The following ZNF675 variants were observed in gnomAD, a reference collection of about 807,000 sequenced individuals.
ZNF675 encodes the protein TRAF6 inhibitory zinc finger.
ZNF675 carries 36 observed loss-of-function variants against 56.1 expected under a neutral mutation model. That is an observed-to-expected ratio of 0.64 (90% confidence interval 0.49 to 0.85). ZNF675 has a LOEUF of 0.85. ZNF675 is among the 40% of genes least tolerant of loss of function. ZNF675 has a pLI of 0.00. For missense variants in ZNF675, 663 were observed against 654.2 expected (o/e 1.01, Z -0.15); for synonymous variants, 200 against 218.9 (o/e 0.91, Z 0.76).
chr19:23,665,244 C>A (rs1350945799), intron 1 of ZNF675, among the ~76,000 whole-genome samples: 1 of 150,992 alleles, frequency 6.6e-6, no homozygotes, highest in Non-Finnish European at 1.5e-5. Flanking sequence ...ACTCAGGAGG[C>A]TGAGGCAGGA....
intron 3 of ZNF675, among the ~76,000 whole-genome samples, chr19:23,657,356 T>C (rs536034048): frequency 1.2e-4 from 18 of 152,190 alleles, no homozygotes; most frequent in Non-Finnish European, 2.2e-4. Context: ...TGAATTACCT[T>C]CAAATCACAA....
chr19:23,657,612 G>T (rs1468478883), intron 3 of ZNF675, among the ~76,000 whole-genome samples: 1 of 152,172 alleles, frequency 6.6e-6, no homozygotes, highest in African/African-American at 2.4e-5. Context: ...AGCTGCTTGG[G>T]AGGCTGAAGC....
In ZNF675 at chr19:23,653,186, T is replaced by C. The variant is rs1278943872; in HGVS notation, c.*40A>G. On this transcript the variant is annotated 3_prime_UTR_variant, in exon 4 of 4. Coordinates refer to ENST00000359788, the MANE Select transcript of ZNF675 (RefSeq NM_138330.3). ...AGAATTTTTCACCAGTATGATTTCC[T>C]TTATATTTAGAAAAATTTGAGGTGT... 1 of 1,522,498 alleles carries C rather than the reference T, an allele frequency of 6.6e-7. No individual in the cohort carries two copies. The highest frequency in any genetic ancestry group is 8.8e-7 in the Non-Finnish European group (1 of 1,137,308). 94.3% of individuals were successfully genotyped at this position (1,522,498 alleles called of 1,614,324 possible).
intron 1 of ZNF675, among the ~76,000 whole-genome samples, chr19:23,680,594 T>C (rs1317799218): frequency 2.0e-5 from 3 of 151,262 alleles, no homozygotes; most frequent in Non-Finnish European, 2.9e-5. Flanking sequence ...CTGTCTCTAC[T>C]GAAAATACAA....
intron 1 of ZNF675, among the ~76,000 whole-genome samples, chr19:23,674,200 T>A (rs1968265047): frequency 6.6e-6 from 1 of 151,476 alleles, no homozygotes; most frequent in Non-Finnish European, 1.5e-5. Context: ...CAAAACTCTA[T>A]CTCACAAATA....
chr19:23,672,869 G>A (rs1968244216), intron 1 of ZNF675, among the ~76,000 whole-genome samples: 1 of 152,168 alleles, frequency 6.6e-6, no homozygotes, highest in Non-Finnish European at 1.5e-5. Flanking sequence ...GGTAAAAAGA[G>A]GACAGAGGCT....
chr19:23,653,157 T>A lies in ZNF675; in HGVS notation c.*69A>T, dbSNP rs1967932711. 6.5e-6 allele frequency: 9 copies of A among 1,385,696 alleles called. No individual in the cohort carries two copies. The highest frequency in any genetic ancestry group is 4.9e-6 in the Non-Finnish European group (5 of 1,021,452). 85.8% of individuals were successfully genotyped at this position (1,385,696 alleles called of 1,614,324 possible). On this transcript the variant is annotated 3_prime_UTR_variant, in exon 4 of 4. Transcript: ENST00000359788. ...AAAGTCTTTGACACATTCTTTACAT[T>A]TCTAGAATTTTTCACCAGTATGATT...
At position 23,672,520 on chromosome 19, in the gene ZNF675, G is replaced by A. The variant is rs548033140; in HGVS notation, c.4-9362C>T. ...TCTCACAATGCAGAAAATGTCCCCCGTATGTTTTCTGTACATTCTCAATCG... is the reference window on the plus strand; with the variant it reads ...TCTCACAATGCAGAAAATGTCCCCCATATGTTTTCTGTACATTCTCAATCG... On this transcript the variant is annotated intron_variant, in intron 1 of 3. Coordinates refer to ENST00000359788, the MANE Select transcript of ZNF675 (RefSeq NM_138330.3). Among the ~76,000 whole-genome samples, 4 of 152,260 alleles carry A rather than the reference G, an allele frequency of 2.6e-5. No homozygotes were observed. In the South Asian group the frequency reaches 8.3e-4, roughly 32 times the overall value.
chr19:23,664,960 A>C (rs1173179435), intron 1 of ZNF675, among the ~76,000 whole-genome samples: 1 of 151,988 alleles, frequency 6.6e-6, no homozygotes, highest in Non-Finnish European at 1.5e-5. Flanking sequence ...CAAAAACAAA[A>C]AACAAAACAT....
chr19:23,658,131 C>G (rs1968012353), intron 3 of ZNF675, among the ~76,000 whole-genome samples: 1 of 151,958 alleles, frequency 6.6e-6, no homozygotes, highest in African/African-American at 2.4e-5. Flanking sequence ...GGAGGTGAGG[C>G]TGGCAGATCA....
chr19:23,678,280 G>T (rs780223036), intron 1 of ZNF675, among the ~76,000 whole-genome samples: 4 of 136,664 alleles, frequency 2.9e-5, no homozygotes, highest in African/African-American at 5.5e-5. Context: ...TTTTTTTGAC[G>T]GAGTTTGGTT....
At chr19:23,669,670 G>A (rs1166995523) in intron 1 of ZNF675, among the ~76,000 whole-genome samples, 7 of 152,010 alleles carry the variant, frequency 4.6e-5, no homozygotes, top group East Asian at 1.9e-4. Context: ...TCAGGAGTTC[G>A]AGACCTGCCT....
chr19:23,678,328 G>A (rs1039711116), intron 1 of ZNF675, among the ~76,000 whole-genome samples: 1 of 149,578 alleles, frequency 6.7e-6, no homozygotes, highest in African/African-American at 2.5e-5. Flanking sequence ...TGAGGTCTTG[G>A]ATCACTGCAA....
chr19:23,655,993 G>C (rs1319589164), intron 3 of ZNF675: 2 of 152,126 alleles, frequency 1.3e-5, no homozygotes, highest in African/African-American at 2.4e-5. Context: ...CCAGCTACTT[G>C]GGAGACTGAG....
At chr19:23,677,490 G>A (rs1468587238) in intron 1 of ZNF675, among the ~76,000 whole-genome samples, 1 of 151,394 alleles carries the variant, frequency 6.6e-6, no homozygotes, top group Non-Finnish European at 1.5e-5. Context: ...CAGATCACCT[G>A]AGGTCGGGAG....
intron 1 of ZNF675, among the ~76,000 whole-genome samples, chr19:23,669,290 T>C (rs1054685632): frequency 3.1e-5 from 4 of 127,830 alleles, no homozygotes; most frequent in Admixed American, 1.7e-4. Context: ...TATGACACCG[T>C]TGGCAGCGGG....
chr19:23,653,143 C>T lies in ZNF675; in HGVS notation c.*83G>A. The T allele has an allele frequency of 7.8e-7, 1 of 1,281,586 alleles. No homozygotes were observed. Among genetic ancestry groups the T allele is most frequent in the South Asian group, 1.5e-5 (1 of 65,634 alleles). The allele number at this position is 1,281,586 out of a possible 1,614,324, so 79.4% of individuals were successfully genotyped here. On this transcript the variant is annotated 3_prime_UTR_variant, in exon 4 of 4. Coordinates refer to ENST00000359788, the MANE Select transcript of ZNF675 (RefSeq NM_138330.3). ...TGTGAAAACCATTTAAAGTCTTTGA[C>T]ACATTCTTTACATTTCTAGAATTTT...
intron 3 of ZNF675, among the ~76,000 whole-genome samples, chr19:23,659,657 C>T (rs1174196941): frequency 2.0e-5 from 3 of 152,150 alleles, no homozygotes. Flanking sequence ...CATTCAGGTG[C>T]AAACTACAGG....
At chr19:23,682,089 A>T (rs1171604306) in intron 1 of ZNF675, among the ~76,000 whole-genome samples, 1 of 151,856 alleles carries the variant, frequency 6.6e-6, no homozygotes, top group East Asian at 1.9e-4. Flanking sequence ...TCTTAAAAAA[A>T]TCAGCTAAAT....
Sources: gnomAD v4.1 joint callset for allele counts (sites outside exome capture counted in the v4.1 genomes callset) on GRCh38, gnomAD v4.1.1 for gene constraint, MANE v1.5 for transcripts, NCBI Gene and HGNC (gene_info 2026-07-23, HGNC 2026-07-21) for gene names.